The following SLC30A4 variants were observed in gnomAD, a reference collection of about 807,000 sequenced individuals.
SLC30A4 encodes solute carrier family 30 member 4.
In SLC30A4, 20 loss-of-function variants were observed where a neutral mutation model predicts 41.7. The ratio of observed to expected loss-of-function variants is 0.48; its 90% CI spans 0.34 to 0.70. The LOEUF (loss-of-function observed/expected upper bound fraction) is 0.70. SLC30A4 is among the 30% of genes least tolerant of loss of function. The pLI, the probability that SLC30A4 is intolerant of heterozygous loss-of-function variation, is 0.01. For synonymous variants in SLC30A4, 181 were observed against 195.9 expected (o/e 0.92, Z 0.64); for missense variants, 441 against 529.3 (o/e 0.83, Z 1.64).
intron 3 of SLC30A4, among the ~76,000 whole-genome samples, chr15:45,505,717 G>C (rs143778941): frequency 1.4e-4 from 21 of 152,232 alleles, no homozygotes; most frequent in African/African-American, 5.1e-4. Flanking sequence ...CATAAAAAAG[G>C]GTGGTGAGAA....
intron 2 of SLC30A4, among the ~76,000 whole-genome samples, chr15:45,518,959 T>G (rs1001124634): frequency 4.6e-5 from 7 of 151,902 alleles, no homozygotes; most frequent in African/African-American, 1.7e-4. Context: ...TTTAATGTAG[T>G]CTCACTCTGT....
intron 3 of SLC30A4, among the ~76,000 whole-genome samples, chr15:45,492,112 T>C (rs919170525): frequency 6.6e-6 from 1 of 151,972 alleles, no homozygotes; most frequent in African/African-American, 2.4e-5. Flanking sequence ...GTACATTACT[T>C]GATCTAACAA....
chr15:45,513,839 T>C (rs1338868078), intron 2 of SLC30A4: 1 of 152,188 alleles, frequency 6.6e-6, no homozygotes, highest in Non-Finnish European at 1.5e-5. Context: ...CTGCTGGTAG[T>C]TCCCTAAAGG....
At chr15:45,499,509 A>G (rs918996464) in intron 3 of SLC30A4, among the ~76,000 whole-genome samples, 2 of 152,200 alleles carry the variant, frequency 1.3e-5, no homozygotes, top group Non-Finnish European at 2.9e-5. Context: ...CCGTCTGGAA[A>G]AAAAACCATA....
At position 45,488,993 on chromosome 15, in the gene SLC30A4, A is replaced by G; in HGVS notation, c.742T>C (p.Ser248Pro). ...CTGGTAGGGGAATTTGAAGGCAGGG[A>G]GTGGGAATGGGAGTGACGGTGACCA... ...QSGHRHSHSH[S>P]LPSNSPTRGS... is the part of the protein sequence containing the mutation. Residue 248 changes from serine (S) to proline (P), a missense_variant, in exon 5 of 8, where the codon TCC becomes CCC. Transcript: ENST00000261867. 6.2e-7 allele frequency: 1 copy of G among 1,614,126 alleles called. No homozygotes were observed. Among genetic ancestry groups the G allele is most frequent in the Non-Finnish European group, 8.5e-7 (1 of 1,179,966 alleles).
Position 45,485,335 on chromosome 15 carries a change from T to C in SLC30A4, c.1136-18A>G. ...TCCAGGAACTGCAATGTCAAGAAAA[T>C]ATCATTACTATCCATTGTACAGTTA... On this transcript the variant is annotated intron_variant, in intron 7 of 7. Coordinates refer to ENST00000261867, the MANE Select transcript of SLC30A4 (RefSeq NM_013309.6). The C allele has an allele frequency of 1.3e-6, 2 of 1,562,796 alleles. No individual in the cohort carries two copies. The highest frequency in any genetic ancestry group is 1.8e-6 in the Non-Finnish European group (2 of 1,139,766).
intron 2 of SLC30A4, among the ~76,000 whole-genome samples, chr15:45,514,803 C>T (rs1838734762): frequency 6.6e-6 from 1 of 152,142 alleles, no homozygotes; most frequent in Non-Finnish European, 1.5e-5. Context: ...GCATGAGCCA[C>T]CGTGCCTGGC....
intron 2 of SLC30A4, chr15:45,521,752 A>G (rs917630854): frequency 3.8e-6 from 2 of 523,108 alleles, no homozygotes; most frequent in African/African-American, 3.8e-5. Context: ...TTGAACAACT[A>G]GAAGAGAAAG....
At chr15:45,517,725 G>A (rs1165154438) in intron 2 of SLC30A4, among the ~76,000 whole-genome samples, 3 of 151,922 alleles carry the variant, frequency 2.0e-5, no homozygotes, top group Non-Finnish European at 4.4e-5. Context: ...GAGGCGGACA[G>A]ATCACGAGGT....
At chr15:45,492,336 AAG>A (rs1891826758) in intron 3 of SLC30A4, among the ~76,000 whole-genome samples, 1 of 152,168 alleles carries the variant, frequency 6.6e-6, no homozygotes, top group South Asian at 2.1e-4. Context: ...AAAAAAGGAA[AAG>A]AAGAAAAAAA....
intron 3 of SLC30A4, among the ~76,000 whole-genome samples, chr15:45,501,054 T>A (rs1228737189): frequency 6.9e-6 from 1 of 145,584 alleles, no homozygotes; most frequent in Non-Finnish European, 1.5e-5. Context: ...ACGCCTGTAA[T>A]CCCAGCACTT....
intron 3 of SLC30A4, among the ~76,000 whole-genome samples, chr15:45,499,630 C>T (rs1891980137): frequency 6.6e-6 from 1 of 152,148 alleles, no homozygotes; most frequent in Admixed American, 6.6e-5. Context: ...TCCTCTTTGT[C>T]TGGAAAAGAA....
At chr15:45,520,734 AC>A (rs1892639832) in intron 2 of SLC30A4, 1 of 179,302 alleles carries the variant, frequency 5.6e-6, no homozygotes, top group African/African-American at 2.4e-5. Flanking sequence ...AATTGAAGAA[AC>A]TATTAGGATA....
In SLC30A4 at chr15:45,488,930, G is replaced by A. The variant is rs1891756107; in HGVS notation, c.805C>T (p.Leu269=). The A allele has an allele frequency of 6.2e-7, 1 of 1,614,116 alleles. No individual in the cohort carries two copies. Among genetic ancestry groups the A allele is most frequent in the Non-Finnish European group, 8.5e-7 (1 of 1,179,990 alleles). Residue 269 remains leucine, a synonymous_variant, in exon 5 of 8, where the codon CTG becomes TTG. Transcript: ENST00000261867. ...GCERNHGQDS[L]AVRAAFVHAL... ...TGTACAAATGCAGCTCTCACTGCCA[G>A]GCTATCCTGCCCATGGTTACGTTCA...
In SLC30A4 at chr15:45,483,286, T is replaced by G. The variant is rs1335506187; in HGVS notation, c.*1877A>C. On this transcript the variant is annotated 3_prime_UTR_variant, in exon 8 of 8. Coordinates refer to ENST00000261867, the MANE Select transcript of SLC30A4 (RefSeq NM_013309.6). ...TTTATATTGTAAGTCATCTGCATGCTTATCTAGAATTTCAACTTACAATTT... is the reference window on the plus strand; with the variant it reads ...TTTATATTGTAAGTCATCTGCATGCGTATCTAGAATTTCAACTTACAATTT... 1 of 152,340 alleles carries G rather than the reference T, an allele frequency of 6.6e-6. No homozygotes were observed. Among genetic ancestry groups the G allele is most frequent in the East Asian group, 1.9e-4 (1 of 5,192 alleles). The allele number at this position is 152,340 out of a possible 1,614,324, so 9.4% of individuals were successfully genotyped here.
At chr15:45,499,274 A>G (rs926365304) in intron 3 of SLC30A4, among the ~76,000 whole-genome samples, 13 of 152,054 alleles carry the variant, frequency 8.5e-5, no homozygotes, top group East Asian at 3.9e-4. Context: ...GGGTTTCACC[A>G]TGTTAGCCAG....
At chr15:45,516,217 C>T (rs1892469250) in intron 2 of SLC30A4, among the ~76,000 whole-genome samples, 1 of 152,298 alleles carries the variant, frequency 6.6e-6, no homozygotes, top group Non-Finnish European at 1.5e-5. Flanking sequence ...TCTTCACCCA[C>T]ACTTCCAGAG....
intron 2 of SLC30A4, among the ~76,000 whole-genome samples, chr15:45,511,619 G>A (rs970736543): frequency 1.3e-5 from 2 of 152,136 alleles, no homozygotes; most frequent in Non-Finnish European, 2.9e-5. Context: ...GAGTAGCTGG[G>A]ACTACAGGCA....
chr15:45,521,758 G>C (rs1892673265), intron 2 of SLC30A4: 1 of 527,806 alleles, frequency 1.9e-6, no homozygotes, highest in Non-Finnish European at 3.3e-6. Flanking sequence ...AACTAGAAGA[G>C]AAAGTCAAAG....
Sources: gnomAD v4.1 joint callset for allele counts (sites outside exome capture counted in the v4.1 genomes callset) on GRCh38, gnomAD v4.1.1 for gene constraint, MANE v1.5 for transcripts, NCBI Gene and HGNC (gene_info 2026-07-23, HGNC 2026-07-21) for gene names.